Variants in TMEM67 observed in about 807,000 individuals in gnomAD.
TMEM67 encodes meckelin.
TMEM67 carries 124 observed loss-of-function variants against 136.6 expected under a neutral mutation model. The ratio of observed to expected loss-of-function variants is 0.91; its 90% confidence interval spans 0.78 to 1.05. The LOEUF (loss-of-function observed/expected upper bound fraction) is 1.05, where lower values mean the gene tolerates loss of function less well. Ranked by LOEUF, TMEM67 falls within the 50% of genes least tolerant of loss-of-function variation. The probability of loss-of-function intolerance (pLI) is 0.00; values close to 1 mark genes in which losing one functional copy is unlikely to be tolerated. For synonymous variants in TMEM67, 364 were observed against 390.5 expected (o/e 0.93, Z 0.80); for missense variants, 1,107 against 1,178.4 (o/e 0.94, Z 0.89).
At chr8:93,805,580 CA>C (rs370408912) in intron 23 of TMEM67, among the ~76,000 whole-genome samples, 1,934 of 58,778 alleles carry the variant, frequency 0.033, 22 homozygotes, top group Admixed American at 0.09. Context: ...GACTCCGTCT[CA>C]AAAAAAAAAA....
intron 7 of TMEM67, among the ~76,000 whole-genome samples, chr8:93,778,019 T>C (rs534638838): frequency 6.6e-6 from 1 of 152,308 alleles, no homozygotes; most frequent in South Asian, 2.1e-4. Context: ...AGGACTTGCT[T>C]TATGAATCTG....
intron 20 of TMEM67, among the ~76,000 whole-genome samples, chr8:93,798,852 T>A (rs143038672): frequency 3.8e-4 from 58 of 152,270 alleles, no homozygotes; most frequent in African/African-American, 1.3e-3. Flanking sequence ...TAGTTTACAA[T>A]ACAGTGTTTT....
At chr8:93,799,851 CCTT>C (rs993776371) in intron 21 of TMEM67, 93 bp downstream of exon 21, 17 of 1,059,332 alleles carry the variant, frequency 1.6e-5, no homozygotes, top group East Asian at 7.2e-5. Context: ...TTGACCACAT[CCTT>C]CTTTCTGTAG....
intron 6 of TMEM67, among the ~76,000 whole-genome samples, chr8:93,770,778 G>T (rs959081868): frequency 1.3e-5 from 2 of 152,078 alleles, no homozygotes; most frequent in African/African-American, 4.8e-5. Context: ...ACTTTGGGAG[G>T]CTGAGGCATG....
At chr8:93,822,183 G>C (rs377204458), downstream of TMEM67, among the ~76,000 whole-genome samples, 13 of 152,102 alleles carry the variant, frequency 8.5e-5, no homozygotes, top group African/African-American at 3.1e-4. Flanking sequence ...AATGAGCAAG[G>C]CTCAAGTAGC....
chr8:93,823,921 T>TTGAAA (rs1563490539), downstream of TMEM67, among the ~76,000 whole-genome samples: 2 of 152,080 alleles, frequency 1.3e-5, no homozygotes, highest in Admixed American at 1.3e-4. Context: ...AAGCCATCAT[T>TTGAAA]ACACACAGTT....
chr8:93,755,457 G>A (rs1024803680), intron 1 of TMEM67, among the ~76,000 whole-genome samples: 15 of 152,176 alleles, frequency 9.9e-5, no homozygotes, highest in African/African-American at 3.6e-4. Context: ...AGACCTCTAC[G>A]TATAATAACT....
intron 17 of TMEM67, 122 bp from the exon 18 acceptor site, chr8:93,795,779 T>C (rs1273339648): frequency 1.3e-6 from 1 of 754,814 alleles, no homozygotes; most frequent in African/African-American, 1.8e-5. Flanking sequence ...AATCAAGTCC[T>C]GCCCGGGCAG....
intron 3 of TMEM67, chr8:93,762,062 C>T (rs957324487): frequency 9.9e-5 from 15 of 152,094 alleles, no homozygotes; most frequent in Admixed American, 6.5e-5. Context: ...CAAAACCACC[C>T]TGGCCAACAT....
chr8:93,827,536 T>C, the TMEM67 span, among the ~76,000 whole-genome samples: 1 of 151,402 alleles, frequency 6.6e-6, no homozygotes, highest in African/African-American at 2.4e-5. Flanking sequence ...TAGCTGGGAC[T>C]ACAGGCATGT....
chr8:93,758,594 T>C lies in TMEM67; in HGVS notation c.406+18T>C. ...TATTTTAGGTAAGAATTAGATTCCTTATAAAGAAGTAGTGATAAATCTTCA... is the reference window on the plus strand; with the variant it reads ...TATTTTAGGTAAGAATTAGATTCCTCATAAAGAAGTAGTGATAAATCTTCA... On this transcript the variant is annotated intron_variant, in intron 3 of 27. Coordinates refer to ENST00000453321, the MANE Select transcript of TMEM67 (RefSeq NM_153704.6). 1 of 1,557,668 alleles carries C rather than the reference T, an allele frequency of 6.4e-7. No homozygotes were observed. Among genetic ancestry groups the C allele is most frequent in the Non-Finnish European group, 8.9e-7 (1 of 1,128,764 alleles).
chr8:93,777,338 T>C (rs553827672), intron 7 of TMEM67, among the ~76,000 whole-genome samples: 1 of 152,308 alleles, frequency 6.6e-6, no homozygotes, highest in Non-Finnish European at 1.5e-5. Context: ...GGGTTTTTTG[T>C]GTCTCTATCT....
intron 12 of TMEM67, chr8:93,785,742 AG>A (rs1814066869): frequency 9.5e-6 from 2 of 210,576 alleles, no homozygotes; most frequent in Admixed American, 1.1e-4. Context: ...GGTAATTTGC[AG>A]GGGAAAGCCT....
chr8:93,756,278 T>A (rs57116059), intron 2 of TMEM67: 2,468 of 155,650 alleles, frequency 0.016, 71 homozygotes, highest in African/African-American at 0.054. Flanking sequence ...ATTATTGATG[T>A]TCATAATGAT....
At chr8:93,810,027 G>A in intron 26 of TMEM67, 140 bp downstream of exon 26, 1 of 538,470 alleles carries the variant, frequency 1.9e-6, no homozygotes. Context: ...GGAGTGCAGT[G>A]GCACGATCTC....
chr8:93,807,858 A>C (rs1360445175), intron 23 of TMEM67, among the ~76,000 whole-genome samples: 1 of 152,006 alleles, frequency 6.6e-6, no homozygotes, highest in African/African-American at 2.4e-5. Context: ...CGAACCTTGA[A>C]GCATCAATCA....
In TMEM67 at chr8:93,780,589, GT is replaced by G. The variant is rs1286935547; in HGVS notation, c.715-3del. 6.2e-7 allele frequency: 1 copy of G among 1,613,914 alleles called. No individual in the cohort carries two copies. Among genetic ancestry groups the G allele is most frequent in the East Asian group, 2.2e-5 (1 of 44,876 alleles). ...TACTTTTCTTTGCCATTGTTCTGTT[GT>G]AGGTATATGCCAATCTAACATCTTG... On this transcript the variant is annotated splice_region_variant and splice_polypyrimidine_tract_variant and intron_variant, in intron 7 of 27. Transcript: ENST00000453321.
At chr8:93,824,666 A>C in the TMEM67 span, among the ~76,000 whole-genome samples, 1 of 152,150 alleles carries the variant, frequency 6.6e-6, no homozygotes, top group African/African-American at 2.4e-5. Context: ...TTTCCTTTGC[A>C]TATGATCATA....
chr8:93,827,092 G>C, the TMEM67 span, among the ~76,000 whole-genome samples: 11 of 152,158 alleles, frequency 7.2e-5, no homozygotes, highest in Admixed American at 2.0e-4. Context: ...CAGCCTTCCA[G>C]AGTGCTGGGA....
Sources: allele counts gnomAD v4.1 joint callset (sites outside exome capture counted in the v4.1 genomes callset), GRCh38; gene constraint gnomAD v4.1.1; transcripts MANE v1.5; gene names NCBI Gene and HGNC (gene_info 2026-07-23, HGNC 2026-07-21).